The following COL27A1 variants were observed in gnomAD, a reference collection of about 807,000 sequenced individuals.
COL27A1 encodes collagen alpha-1(XXVII) chain.
Under a neutral mutation model 251.3 loss-of-function variants are expected in COL27A1, and 106 were observed. The ratio of observed to expected loss-of-function variants is 0.42; its 90% CI spans 0.36 to 0.50. The LOEUF is 0.50. Among genes scored for constraint, COL27A1 ranks in the 20% least tolerant of loss-of-function variants. The pLI is 0.00. For missense variants in COL27A1, 2,325 were observed against 2,522.8 expected, an observed-to-expected ratio of 0.92 and a Z score of 1.68; for synonymous variants, 1,000 against 986.3, an observed-to-expected ratio of 1.01 and a Z score of -0.26.
intron 2 of COL27A1, among the ~76,000 whole-genome samples, chr9:114,163,134 T>A (rs993257857): frequency 2.0e-5 from 3 of 152,014 alleles, no homozygotes; most frequent in Non-Finnish European, 4.4e-5. Flanking sequence ...CTCGGGAGGC[T>A]GAGGCAGGAG....
chr9:114,240,667 C>T (rs372836530), intron 21 of COL27A1, among the ~76,000 whole-genome samples, 180 bp downstream of exon 21: 8 of 152,238 alleles, frequency 5.3e-5, no homozygotes, highest in African/African-American at 1.9e-4. Context: ...GTGCCCCTTC[C>T]AGGGACCTTC....
At chr9:114,265,358 G>C in intron 31 of COL27A1, 64 bp from the exon 32 acceptor site, 1 of 1,544,226 alleles carries the variant, frequency 6.5e-7, no homozygotes, top group South Asian at 1.1e-5. Context: ...TGGCTTGCTT[G>C]AAATCAAGAC....
chr9:114,168,551 A>C lies in COL27A1; in HGVS notation c.996A>C (p.Ala332=), dbSNP rs767202889. The C allele has an allele frequency of 1.9e-6, 3 of 1,613,850 alleles. No homozygotes were observed. Among genetic ancestry groups the C allele is most frequent in the Non-Finnish European group, 2.5e-6 (3 of 1,179,930 alleles). ...CTGCCAAGCTGTCAGCCAGTAACGC[A>C]CTTGATCCCATGCTCCCAGCCTCTG... ...LLPAKLSASN[A]LDPMLPASVG... The change falls in exon 3 of 61, where the codon GCA becomes GCC. Residue 332 remains alanine (A), a synonymous_variant. Transcript: ENST00000356083.
At chr9:114,302,194 G>C in intron 56 of COL27A1, 86 bp downstream of exon 56, 1 of 1,153,568 alleles carries the variant, frequency 8.7e-7, no homozygotes, top group East Asian at 2.3e-5. Context: ...TCTGGCCCTG[G>C]TGGCTAGAGC....
In COL27A1 at chr9:114,283,846, A is replaced by G. The variant is rs991081364; in HGVS notation, c.3933+84A>G. On this transcript the variant is annotated intron_variant, in intron 40 of 60. Coordinates refer to ENST00000356083, the MANE Select transcript of COL27A1 (RefSeq NM_032888.4). Reference sequence around the variant, plus strand: ...GGCCCATGCCAGCCTCTGCCCCACCACCTCCCAGCTGAAGGCTGACCCCTG... The same window carrying G: ...GGCCCATGCCAGCCTCTGCCCCACCGCCTCCCAGCTGAAGGCTGACCCCTG... 2.2e-6 allele frequency: 3 copies of G among 1,382,118 alleles called. No homozygotes were observed. In the Admixed American group the frequency reaches 5.3e-5, roughly 25 times the overall value. 85.6% of individuals were successfully genotyped at this position (1,382,118 alleles called of 1,614,324 possible).
At chr9:114,164,394 G>T (rs930819788) in intron 2 of COL27A1, among the ~76,000 whole-genome samples, 3 of 152,222 alleles carry the variant, frequency 2.0e-5, no homozygotes, top group Admixed American at 6.5e-5. Flanking sequence ...GGTCACATTT[G>T]CCAGGTGTCA....
intron 48 of COL27A1, 108 bp from the exon 49 acceptor site, chr9:114,291,995 G>T (rs531257703): frequency 1.1e-5 from 11 of 977,130 alleles, no homozygotes; most frequent in Non-Finnish European, 1.4e-5. Flanking sequence ...CTGCAATCTC[G>T]GGTACCCTGT....
intron 28 of COL27A1, among the ~76,000 whole-genome samples, chr9:114,259,619 G>A (rs1216559653): frequency 6.6e-6 from 1 of 152,174 alleles, no homozygotes; most frequent in African/African-American, 2.4e-5. Flanking sequence ...ACCTCAAGTT[G>A]CACAGCTAAA....
chr9:114,231,028 C>T lies in COL27A1; in HGVS notation c.2467-51C>T, dbSNP rs370326104. ...GGATTGTCCCCACCACCCAGGCCAG[C>T]CTCCTGTGGGCCACTGCTCACAGCA... On this transcript the variant is annotated intron_variant, in intron 14 of 60. Transcript: ENST00000356083. 6.5e-6 allele frequency: 10 copies of T among 1,547,410 alleles called. No homozygotes were observed. The African/African-American group carries it at 1.4e-4, about 21-fold the overall frequency.
At position 114,252,966 on chromosome 9, in the gene COL27A1, C is replaced by T. The variant is rs114573891; in HGVS notation, c.3141+34C>T. ...AGCCCTCGTGATCCCTAAGCTCAAA[C>T]CACTGTCAGATAAGGGTTAGGTGGC... On this transcript the variant is annotated intron_variant, in intron 27 of 60. Coordinates refer to ENST00000356083, the MANE Select transcript of COL27A1 (RefSeq NM_032888.4). 1,098 of 1,579,110 alleles carry T rather than the reference C, an allele frequency of 7.0e-4. 4 individuals are homozygous for T. The African/African-American group carries it at 0.013, about 19-fold the overall frequency.
intron 5 of COL27A1, among the ~76,000 whole-genome samples, chr9:114,184,318 A>G (rs1468158749): frequency 6.6e-6 from 1 of 152,238 alleles, no homozygotes; most frequent in Admixed American, 6.5e-5. Flanking sequence ...TGAGCTGCTG[A>G]GCAGCCTCTA....
At chr9:114,257,616 G>A (rs973407694) in intron 27 of COL27A1, among the ~76,000 whole-genome samples, 1 of 151,992 alleles carries the variant, frequency 6.6e-6, no homozygotes, top group East Asian at 1.9e-4. Context: ...CCATTTGCCC[G>A]GGGCTGGGCC....
intron 2 of COL27A1, among the ~76,000 whole-genome samples, chr9:114,163,515 G>C (rs749100317): frequency 2.6e-5 from 4 of 152,236 alleles, no homozygotes; most frequent in Non-Finnish European, 5.9e-5. Flanking sequence ...GGGCTGTCCA[G>C]GGGGCCGGGG....
intron 36 of COL27A1, chr9:114,273,106 C>G (rs1564555169): frequency 6.6e-6 from 1 of 152,194 alleles, no homozygotes; most frequent in Admixed American, 6.5e-5. Flanking sequence ...CCAGTTAGCC[C>G]CTGGAGTGTG....
chr9:114,181,416 G>A (rs1415875295), intron 4 of COL27A1, among the ~76,000 whole-genome samples: 1 of 152,190 alleles, frequency 6.6e-6, no homozygotes, highest in Non-Finnish European at 1.5e-5. Context: ...GAGGAAGAGG[G>A]AGGTGCCTTG....
At chr9:114,226,645 A>G (rs1831488342) in intron 14 of COL27A1, among the ~76,000 whole-genome samples, 1 of 152,248 alleles carries the variant, frequency 6.6e-6, no homozygotes, top group African/African-American at 2.4e-5. Context: ...AGAACTGACC[A>G]CAGCTCCAGG....
At chr9:114,299,667 C>T (rs574402484) in intron 49 of COL27A1, among the ~76,000 whole-genome samples, 2 of 152,214 alleles carry the variant, frequency 1.3e-5, no homozygotes, top group South Asian at 2.1e-4. Context: ...GCAAAACATC[C>T]GGCACCTAAC....
intron 13 of COL27A1, among the ~76,000 whole-genome samples, chr9:114,221,379 C>T (rs983239487): frequency 6.6e-6 from 1 of 152,192 alleles, no homozygotes; most frequent in Non-Finnish European, 1.5e-5. Flanking sequence ...TATCATTCTG[C>T]GAGTTTCCTT....
intron 10 of COL27A1, among the ~76,000 whole-genome samples, chr9:114,207,459 C>T (rs1830046780): frequency 6.6e-6 from 1 of 152,210 alleles, no homozygotes; most frequent in Non-Finnish European, 1.5e-5. Flanking sequence ...GAAAGGTCTT[C>T]TCAGTCCAGC....
Sources: gnomAD v4.1 joint callset for allele counts (sites outside exome capture counted in the v4.1 genomes callset) on GRCh38, gnomAD v4.1.1 for gene constraint, MANE v1.5 for transcripts, NCBI Gene and HGNC (gene_info 2026-07-23, HGNC 2026-07-21) for gene names.